Variants in PEX5 observed in about 807,000 individuals in gnomAD.
The protein encoded by PEX5 is peroxisomal biogenesis factor 5, also known as PTS1 receptor.
A neutral mutation model predicts 82.9 loss-of-function variants in PEX5; 52 were observed. That is an observed-to-expected ratio of 0.63 (90% CI 0.50 to 0.79). The LOEUF is 0.79. PEX5 is among the 30% of genes least tolerant of loss of function. The probability of loss-of-function intolerance (pLI) is 0.00; values close to 1 mark genes in which losing one functional copy is unlikely to be tolerated. For missense variants in PEX5, 719 were observed against 815.2 expected (o/e 0.88, Z 1.44); for synonymous variants, 300 against 318.8 (o/e 0.94, Z 0.63).
intron 17 of PEX5, among the ~76,000 whole-genome samples, chr12:7,217,967 A>G (rs1209013242): frequency 6.6e-6 from 1 of 152,188 alleles, no homozygotes; most frequent in Non-Finnish European, 1.5e-5. Context: ...TTTCAGTTCC[A>G]TGCAGAGTGG....
In PEX5 at chr12:7,193,090, CACAGTA is replaced by C. The variant is rs755165853; in HGVS notation, c.448+1400_448+1405del. Among the ~76,000 whole-genome samples, 13 of 152,298 alleles carry C rather than the reference CACAGTA, an allele frequency of 8.5e-5. 1 individual carries two copies. The South Asian group carries it at 1.5e-3, about 17-fold the overall frequency. On this transcript the variant is annotated intron_variant, in intron 5 of 15. Coordinates refer to ENST00000675855, the MANE Select transcript of PEX5 (RefSeq NM_001351132.2). ...TATCTTCTTAAGCTCATTAGAACTT[CACAGTA>C]ACAGTAACACAAGGTGGATATCCCA...
Position 7,189,736 on chromosome 12 carries a change from G to C in PEX5, c.-31G>C. 1 of 405,884 alleles carries C rather than the reference G, an allele frequency of 2.5e-6. No individual in the cohort carries two copies. Among genetic ancestry groups the C allele is most frequent in the East Asian group, 3.9e-5 (1 of 25,468 alleles). The allele number at this position is 405,884 out of a possible 1,614,324, so 25.1% of individuals were successfully genotyped here. A position where few individuals can be genotyped will look rare whatever the true frequency, so the allele number is the denominator to read the frequency against. On this transcript the variant is annotated 5_prime_UTR_variant, in exon 1 of 16. Transcript: ENST00000675855. Reference sequence around the variant, plus strand: ...ACCTGGTGCCCCGGCGGGTCGTGCGGCGCGGCGCTCCGCGGTGAGCGCCTG... The same window carrying C: ...ACCTGGTGCCCCGGCGGGTCGTGCGCCGCGGCGCTCCGCGGTGAGCGCCTG...
Position 7,202,298 on chromosome 12 carries a change from G to C in PEX5, c.700G>C (p.Gly234Arg). The C allele has an allele frequency of 6.2e-7, 1 of 1,614,120 alleles. No individual in the cohort carries two copies. The highest frequency in any genetic ancestry group is 1.3e-5 in the African/African-American group (1 of 75,030). The change falls in exon 8 of 16, where the codon GGG becomes CGG. Residue 234 changes from glycine (G) to arginine (R), a missense_variant. Transcript: ENST00000675855. Reference protein sequence around the residue: ...EGQVSLESGAGSGRAQAEQWA... With the variant: ...EGQVSLESGARSGRAQAEQWA... Reference sequence around the variant, plus strand: ...GCAGGTGTCCCTGGAGTCCGGTGCAGGGTCGGGCCGAGCTCAGGCAGAACA... The same window carrying C: ...GCAGGTGTCCCTGGAGTCCGGTGCACGGTCGGGCCGAGCTCAGGCAGAACA...
chr12:7,201,870 C>T (rs1272043822), intron 7 of PEX5, 29 bp downstream of exon 7: 3 of 1,523,014 alleles, frequency 2.0e-6, no homozygotes, highest in Non-Finnish European at 2.7e-6. Context: ...CTGCTTTGCC[C>T]AGCAGAGCTG....
downstream of PEX5, among the ~76,000 whole-genome samples, chr12:7,213,711 A>C (rs929038695): frequency 7.4e-5 from 11 of 148,476 alleles, no homozygotes; most frequent in African/African-American, 2.2e-4. Context: ...GCAACAAAAG[A>C]CAAAATTGAC....
downstream of PEX5, among the ~76,000 whole-genome samples, chr12:7,214,553 CTGGGGACTGT>C (rs1463842105): frequency 9.0e-6 from 1 of 111,028 alleles, no homozygotes; most frequent in Non-Finnish European, 1.7e-5. Context: ...ACATCACACT[CTGGGGACTGT>C]TGTGGGGTGG....
intron 15 of PEX5, 39 bp from the exon 16 acceptor site, chr12:7,209,983 G>A (rs1296418614): frequency 1.2e-6 from 2 of 1,610,242 alleles, no homozygotes; most frequent in Non-Finnish European, 1.7e-6. Context: ...TTCCATTGTT[G>A]TTCAGCTTAA....
intron 10 of PEX5, among the ~76,000 whole-genome samples, chr12:7,206,299 T>G (rs1944769396): frequency 6.6e-6 from 1 of 152,236 alleles, no homozygotes; most frequent in South Asian, 2.1e-4. Context: ...TATATAAAAT[T>G]CAAATTTTAG....
At position 7,208,077 on chromosome 12, in the gene PEX5, G is replaced by T. The variant is rs145690714; in HGVS notation, c.1178G>T (p.Arg393Leu). ...EQELLAISAL[R>L]RCLELKPDNQ... ...GAACTATTAGCCATCAGTGCATTGC[G>T]GAGGTGAGTACACTGAAAGGTGTGG... is the stretch of plus-strand genomic sequence containing the variant. Residue 393 changes from arginine to leucine, a missense_variant, in exon 12 of 16, where the codon CGG (arginine) becomes CTG (leucine). Transcript: ENST00000675855. 2.5e-6 allele frequency: 4 copies of T among 1,610,032 alleles called. No homozygotes were observed. The highest frequency in any genetic ancestry group is 1.1e-5 in the South Asian group (1 of 91,028).
Position 7,207,661 on chromosome 12 carries a change from G to A in PEX5, c.969G>A (p.Gly323=), listed in dbSNP as rs201244651. 2 of 1,614,082 alleles carry A rather than the reference G, an allele frequency of 1.2e-6. No individual in the cohort carries two copies. Among genetic ancestry groups the A allele is most frequent in the African/African-American group, 1.3e-5 (1 of 75,010 alleles). ...DDLTSATYDK[G]YQFEEENPLR... ...TCTCTCACGTGCTTTTCTTGTAGGGGTACCAGTTTGAGGAGGAGAACCCCT... is the reference window on the plus strand; with the variant it reads ...TCTCTCACGTGCTTTTCTTGTAGGGATACCAGTTTGAGGAGGAGAACCCCT... The change falls in exon 11 of 16, where the codon GGG becomes GGA. Residue 323 remains glycine (G), a splice_region_variant and synonymous_variant. Coordinates refer to ENST00000675855, the MANE Select transcript of PEX5 (RefSeq NM_001351132.2).
At chr12:7,199,823 CGGGCGGGGGGCTG>C (rs1266988466) in intron 6 of PEX5, among the ~76,000 whole-genome samples, 11 of 139,146 alleles carry the variant, frequency 7.9e-5, no homozygotes, top group Admixed American at 5.8e-4. Context: ...GGCGGCTGGC[CGGGCGGGGGGCTG>C]ACCCCCACCT....
At chr12:7,191,778 T>G (rs1223163900) in intron 5 of PEX5, 78 bp downstream of exon 5, 2 of 1,391,008 alleles carry the variant, frequency 1.4e-6, no homozygotes, top group Non-Finnish European at 2.0e-6. Context: ...CACGTTATAG[T>G]GTGATTACGA....
At chr12:7,190,818 C>G in intron 2 of PEX5, 70 bp from the exon 3 acceptor site, 2 of 1,435,044 alleles carry the variant, frequency 1.4e-6, no homozygotes, top group East Asian at 4.5e-5. Flanking sequence ...GGCTCAGATG[C>G]CTATGGGCTT....
At chr12:7,215,450 T>C (rs892083026), downstream of PEX5, among the ~76,000 whole-genome samples, 3 of 152,210 alleles carry the variant, frequency 2.0e-5, no homozygotes, top group Non-Finnish European at 4.4e-5. Flanking sequence ...CATATGTTCA[T>C]TGCAGCAGTA....
At chr12:7,211,774 T>C (rs1249140297), downstream of PEX5, among the ~76,000 whole-genome samples, 1 of 152,190 alleles carries the variant, frequency 6.6e-6, no homozygotes, top group African/African-American at 2.4e-5. Context: ...GGAAGGATTT[T>C]GATAGTTTTT....
rs1591695721 is a variant in PEX5, at chr12:7,197,109, C to CACATAATGTAATAATATATGTCAT, written c.449-1901_449-1900insCATAATGTAATAATATATGTCATA. ...TCACATATAATGTAATTATATATGT[C>CACATAATGTAATAATATATGTCAT]ATATAATGTAATAATATATGTCATA... On this transcript the variant is annotated intron_variant, in intron 5 of 15. Coordinates refer to ENST00000675855, the MANE Select transcript of PEX5 (RefSeq NM_001351132.2). Among the ~76,000 whole-genome samples, 13 of 7,378 alleles carry CACATAATGTAATAATATATGTCAT rather than the reference C, an allele frequency of 1.8e-3. 6 individuals are homozygous for CACATAATGTAATAATATATGTCAT. In the Admixed American group the frequency reaches 0.02, roughly 11 times the overall value. 4.8% of individuals were successfully genotyped at this position (7,378 alleles called of 152,430 possible).
rs1420628595 is a variant in PEX5 at position 7,210,902 on chromosome 12, C to CATAGGAG, written c.*680_*686dup. On this transcript the variant is annotated 3_prime_UTR_variant, in exon 16 of 16. Transcript: ENST00000675855. ...TGCTACAGAGTGTCTGGGTGTGTGGCATAGGAGGAAGGTTTGCTTGTGAAA... is the reference window on the plus strand; with the variant it reads ...TGCTACAGAGTGTCTGGGTGTGTGGCATAGGAGATAGGAGGAAGGTTTGCTTGTGAAA... The CATAGGAG allele has an allele frequency of 6.1e-6, 1 of 162,744 alleles. No individual in the cohort carries two copies. Among genetic ancestry groups the CATAGGAG allele is most frequent in the Non-Finnish European group, 1.4e-5 (1 of 73,374 alleles). The allele number at this position is 162,744 out of a possible 1,614,324, so 10.1% of individuals were successfully genotyped here.
At chr12:7,204,236 A>G (rs1291120070) in intron 10 of PEX5, among the ~76,000 whole-genome samples, 3 of 152,192 alleles carry the variant, frequency 2.0e-5, no homozygotes, top group Non-Finnish European at 2.9e-5. Flanking sequence ...GAGGGGAAAG[A>G]ATCACTTGGT....
chr12:7,209,100 T>C lies in PEX5; in HGVS notation c.1490T>C (p.Leu497Pro). The C allele has an allele frequency of 6.2e-7, 1 of 1,613,932 alleles. No homozygotes were observed. Among genetic ancestry groups the C allele is most frequent in the Non-Finnish European group, 8.5e-7 (1 of 1,179,822 alleles). ...DPDVQCGLGV[L>P]FNLSGEYDKA... Reference sequence around the variant, plus strand: ...GATGTGCAGTGTGGCTTGGGAGTCCTTTTCAACCTGAGTGGGGAGTATGAC... The same window carrying C: ...GATGTGCAGTGTGGCTTGGGAGTCCCTTTCAACCTGAGTGGGGAGTATGAC... The change falls in exon 14 of 16, where the codon CTT becomes CCT. Residue 497 changes from leucine (L) to proline (P), a missense_variant. Physicochemically the swap from Leu to Pro is moderately conservative, Grantham distance 98 (BLOSUM62 -3). Transcript: ENST00000675855.
Sources: gnomAD v4.1 joint callset for allele counts (sites outside exome capture counted in the v4.1 genomes callset) on GRCh38, gnomAD v4.1.1 for gene constraint, MANE v1.5 for transcripts, NCBI Gene and HGNC (gene_info 2026-07-23, HGNC 2026-07-21) for gene names.